Variants in TMEM154 observed in about 807,000 individuals in gnomAD.
TMEM154 encodes the protein transmembrane protein 154.
Under a neutral mutation model 24.5 loss-of-function variants are expected in TMEM154, and 27 were observed. The observed-to-expected ratio is 1.10, with a 90% CI of 0.81 to 1.52. The LOEUF is 1.52. TMEM154 is among the 40% of genes most tolerant of loss of function. The pLI is 0.00. For synonymous variants in TMEM154, 67 were observed against 76.8 expected, an observed-to-expected ratio of 0.87 and a Z score of 0.67; for missense variants, 228 against 213.4, an observed-to-expected ratio of 1.07 and a Z score of -0.43.
At chr4:152,644,110 G>C (rs888894165) in intron 4 of TMEM154, among the ~76,000 whole-genome samples, 24 of 152,196 alleles carry the variant, frequency 1.6e-4, no homozygotes, top group Non-Finnish European at 2.9e-4. Context: ...TTGAAATACA[G>C]CTAGGGATAG....
intron 1 of TMEM154, chr4:152,669,852 A>G (rs1273615967): frequency 6.6e-6 from 1 of 152,270 alleles, no homozygotes; most frequent in Admixed American, 6.5e-5. Flanking sequence ...AAAAGAAGCC[A>G]GAACAACTAC....
intron 3 of TMEM154, among the ~76,000 whole-genome samples, 174 bp downstream of exon 3, chr4:152,652,363 CT>C (rs199858528): frequency 0.054 from 7,590 of 141,588 alleles, 213 homozygotes; most frequent in East Asian, 0.088. Flanking sequence ...TTCAATTAAA[CT>C]TTTTTTTTTT....
At chr4:152,662,946 T>C (rs966326485) in intron 1 of TMEM154, among the ~76,000 whole-genome samples, 11 of 152,184 alleles carry the variant, frequency 7.2e-5, no homozygotes, top group African/African-American at 2.4e-4. Context: ...AGACAGGATT[T>C]GAATTCAGAA....
chr4:152,668,850 T>A (rs1728772896), intron 1 of TMEM154: 1 of 152,140 alleles, frequency 6.6e-6, no homozygotes, highest in South Asian at 2.1e-4. Flanking sequence ...GGAAACAAGT[T>A]GCTGAGGTTT....
chr4:152,662,759 C>G (rs1728638818), intron 1 of TMEM154, among the ~76,000 whole-genome samples: 1 of 152,140 alleles, frequency 6.6e-6, no homozygotes, highest in Non-Finnish European at 1.5e-5. Context: ...GGGCGGCATC[C>G]TGGGCTTCTT....
chr4:152,662,926 C>T (rs1410519030), intron 1 of TMEM154, among the ~76,000 whole-genome samples: 1 of 152,182 alleles, frequency 6.6e-6, no homozygotes, highest in Non-Finnish European at 1.5e-5. Flanking sequence ...ACCATAGCAT[C>T]GTGGAAGGAA....
At chr4:152,675,157 A>C (rs925054263) in intron 1 of TMEM154, among the ~76,000 whole-genome samples, 27 of 13,636 alleles carry the variant, frequency 2.0e-3, no homozygotes, top group Middle Eastern at 0.042. Context: ...GCTCCATCTC[A>C]AAAAAAAAAA....
At chr4:152,658,426 G>A (rs1018821034) in intron 1 of TMEM154, among the ~76,000 whole-genome samples, 41 of 151,524 alleles carry the variant, frequency 2.7e-4, no homozygotes, top group African/African-American at 9.9e-4. Flanking sequence ...TAGAAGGAAA[G>A]AAATAATAAA....
At position 152,624,020 on chromosome 4, in the gene TMEM154, T is replaced by A. The variant is rs567989886; in HGVS notation, c.*4526A>T. On this transcript the variant is annotated 3_prime_UTR_variant, in exon 7 of 7. Coordinates refer to ENST00000304385, the MANE Select transcript of TMEM154 (RefSeq NM_152680.3). ...TACCATTACCCAAGCCTTCTGTACC[T>A]GAAGTCCAATTGTAAAAAAAACCCC... 114 of 152,364 alleles carry A rather than the reference T, an allele frequency of 7.5e-4. No individual in the cohort carries two copies. The highest frequency in any genetic ancestry group is 2.6e-3 in the African/African-American group (109 of 41,590). 9.4% of individuals were successfully genotyped at this position (152,364 alleles called of 1,614,324 possible). A position where few individuals can be genotyped will look rare whatever the true frequency, so the allele number is the denominator to read the frequency against.
chr4:152,674,976 T>C (rs934773238), intron 1 of TMEM154, among the ~76,000 whole-genome samples: 4 of 150,420 alleles, frequency 2.7e-5, no homozygotes, highest in African/African-American at 9.8e-5. Flanking sequence ...GCCAACATAG[T>C]GAAACCCTGT....
chr4:152,674,171 G>A (rs1364341084), intron 1 of TMEM154, among the ~76,000 whole-genome samples: 1 of 152,082 alleles, frequency 6.6e-6, no homozygotes, highest in Non-Finnish European at 1.5e-5. Flanking sequence ...CTTAGAGGAA[G>A]TTGAAATTCG....
At chr4:152,660,904 T>C (rs1728588892) in intron 1 of TMEM154, among the ~76,000 whole-genome samples, 1 of 152,152 alleles carries the variant, frequency 6.6e-6, no homozygotes, top group African/African-American at 2.4e-5. Context: ...TCAGCACCTC[T>C]CTGAGGAAGG....
At chr4:152,646,690 C>T (rs77169932) in intron 3 of TMEM154, 27,653 of 397,566 alleles carry the variant, frequency 0.07, 1,051 homozygotes, top group East Asian at 0.081. Flanking sequence ...GTTCCTACTT[C>T]CCCCCCACTT....
In TMEM154 at chr4:152,652,469, T is replaced by C. The variant is rs1728404651; in HGVS notation, c.364+69A>G. 3 of 1,592,868 alleles carry C rather than the reference T, an allele frequency of 1.9e-6. No individual in the cohort carries two copies. In the African/African-American group the frequency reaches 4.1e-5, roughly 22 times the overall value. ...ATTATATGTAGTCCTTGTTGCTTAA[T>C]TTTAAAACATCTCTGCTCCTTCTCC... On this transcript the variant is annotated intron_variant, in intron 3 of 6. Coordinates refer to ENST00000304385, the MANE Select transcript of TMEM154 (RefSeq NM_152680.3).
chr4:152,654,609 TGA>T (rs1484608104), intron 1 of TMEM154, among the ~76,000 whole-genome samples: 4 of 152,270 alleles, frequency 2.6e-5, no homozygotes, highest in Admixed American at 2.6e-4. Context: ...GATGAGGTCA[TGA>T]GAGTGGGGAC....
intron 3 of TMEM154, among the ~76,000 whole-genome samples, chr4:152,652,273 T>TAAA (rs11331839): frequency 2.2e-5 from 3 of 135,076 alleles, no homozygotes; most frequent in East Asian, 4.2e-4. Context: ...TTCAATTTGT[T>TAAA]AAAAAAAAAA....
chr4:152,628,002 C>T lies in TMEM154; in HGVS notation c.*544G>A, dbSNP rs1187619273. ...TACTGACCCCCTGGGATGGTGTATT[C>T]ATTAAAATACTTGCTGTGTTTGGTG... On this transcript the variant is annotated 3_prime_UTR_variant, in exon 7 of 7. Transcript: ENST00000304385. 6.2e-6 allele frequency: 1 copy of T among 160,678 alleles called. No homozygotes were observed. Among genetic ancestry groups the T allele is most frequent in the Non-Finnish European group, 1.4e-5 (1 of 72,758 alleles). The allele number at this position is 160,678 out of a possible 1,614,324, so 10.0% of individuals were successfully genotyped here.
intron 6 of TMEM154, among the ~76,000 whole-genome samples, chr4:152,640,213 C>T (rs898442513): frequency 2.0e-5 from 3 of 152,108 alleles, no homozygotes; most frequent in South Asian, 2.1e-4. Context: ...TTCTTCTCTC[C>T]GGGTGTCCAT....
chr4:152,641,857 C>CTCTTTTT lies in TMEM154; in HGVS notation c.479-879_479-873dup, dbSNP rs1222675303. Among the ~76,000 whole-genome samples, 40 of 135,622 alleles carry CTCTTTTT rather than the reference C, an allele frequency of 2.9e-4. 1 individual carries two copies. Among genetic ancestry groups the CTCTTTTT allele is most frequent in the African/African-American group, 1.0e-3 (36 of 35,402 alleles). 89.0% of individuals were successfully genotyped at this position (135,622 alleles called of 152,430 possible). ...GAAATTGTACAAGTTAGCTGAGTGG[C>CTCTTTTT]TCTTTTTTGAAATCACACCTTGATA... On this transcript the variant is annotated intron_variant, in intron 5 of 6. Coordinates refer to ENST00000304385, the MANE Select transcript of TMEM154 (RefSeq NM_152680.3).
Sources: gnomAD v4.1 joint callset for allele counts (sites outside exome capture counted in the v4.1 genomes callset) on GRCh38, gnomAD v4.1.1 for gene constraint, MANE v1.5 for transcripts, NCBI Gene and HGNC (gene_info 2026-07-23, HGNC 2026-07-21) for gene names.